The following EML4 variants were observed in gnomAD, a reference collection of about 807,000 sequenced individuals.
EML4 encodes EMAP like 4, also known as echinoderm microtubule-associated protein-like 4.
In EML4, 72 loss-of-function variants were observed where a neutral mutation model predicts 129.0. The ratio of observed to expected loss-of-function variants is 0.56; its 90% CI spans 0.46 to 0.68. The LOEUF (loss-of-function observed/expected upper bound fraction) is 0.68, where lower values mean the gene tolerates loss of function less well. EML4 is among the 30% of genes least tolerant of loss of function. The pLI, the probability that EML4 is intolerant of heterozygous loss-of-function variation, is 0.00. For synonymous variants in EML4, 532 were observed against 405.0 expected (o/e 1.31, Z -3.77); for missense variants, 1,363 against 1,190.6 (o/e 1.14, Z -2.13).
chr2:42,316,344 T>A (rs1421831555), intron 18 of EML4, among the ~76,000 whole-genome samples: 2 of 152,226 alleles, frequency 1.3e-5, no homozygotes, highest in Non-Finnish European at 2.9e-5. Context: ...ATACTTAGAA[T>A]TTTGAATAGG....
chr2:42,329,690 AG>A, intron 22 of EML4, 43 bp from the exon 23 acceptor site: 1 of 1,536,280 alleles, frequency 6.5e-7, no homozygotes, highest in South Asian at 1.2e-5. Flanking sequence ...AGGCATGTCA[AG>A]AATGAGTTTA....
In EML4 at chr2:42,261,088, G is replaced by A. The variant is rs373158099; in HGVS notation, c.339-33G>A. 8.9e-6 allele frequency: 13 copies of A among 1,462,946 alleles called. No individual in the cohort carries two copies. In the African/African-American group the frequency reaches 1.6e-4, roughly 18 times the overall value. 90.6% of individuals were successfully genotyped at this position (1,462,946 alleles called of 1,614,324 possible). On this transcript the variant is annotated intron_variant, in intron 3 of 22. Transcript: ENST00000318522. ...TTGATTTTTTTTCATTTGTTTAAAT[G>A]TGTATTGTTCCATGTTATACTTTAT...
chr2:42,281,708 C>G (rs1293478311), intron 7 of EML4, among the ~76,000 whole-genome samples: 3 of 152,216 alleles, frequency 2.0e-5, no homozygotes, highest in Non-Finnish European at 4.4e-5. Flanking sequence ...ATTAACAAGG[C>G]TGATTCTAAT....
intron 1 of EML4, among the ~76,000 whole-genome samples, chr2:42,232,059 T>C (rs938129549): frequency 1.6e-4 from 25 of 152,164 alleles, no homozygotes; most frequent in African/African-American, 5.3e-4. Flanking sequence ...AGTACTCAAA[T>C]ATCTGGATGA....
chr2:42,284,736 A>G, intron 9 of EML4, 33 bp downstream of exon 9: 3 of 1,485,522 alleles, frequency 2.0e-6, no homozygotes, highest in Non-Finnish European at 2.8e-6. Flanking sequence ...TTCTGTACCT[A>G]GAGACATTGC....
chr2:42,188,614 T>C (rs776864748), intron 1 of EML4, among the ~76,000 whole-genome samples: 34 of 152,022 alleles, frequency 2.2e-4, no homozygotes, highest in Non-Finnish European at 4.3e-4. Context: ...GGTGCGATCT[T>C]GGCTCACTGC....
chr2:42,311,782 C>T (rs986072354), intron 17 of EML4, among the ~76,000 whole-genome samples: 4 of 152,214 alleles, frequency 2.6e-5, no homozygotes, highest in African/African-American at 9.6e-5. Context: ...TAATGAGTTA[C>T]ATTCTCAGAA....
At chr2:42,243,330 A>G (rs1039048685) in intron 1 of EML4, among the ~76,000 whole-genome samples, 6 of 151,730 alleles carry the variant, frequency 4.0e-5, no homozygotes, top group South Asian at 2.1e-4. Context: ...TAGATCAGCT[A>G]GAATTCAGCT....
intron 17 of EML4, among the ~76,000 whole-genome samples, chr2:42,314,824 C>CCACG (rs1558604724): frequency 6.6e-6 from 1 of 152,174 alleles, no homozygotes; most frequent in Non-Finnish European, 1.5e-5. Flanking sequence ...CCTGGTCTTA[C>CCACG]CACGCTCTTC....
intron 1 of EML4, among the ~76,000 whole-genome samples, chr2:42,217,604 G>T (rs1445356588): frequency 6.6e-6 from 1 of 152,150 alleles, no homozygotes; most frequent in Non-Finnish European, 1.5e-5. Context: ...GTGGAATACT[G>T]TACCCATGAA....
chr2:42,244,927 T>C (rs1424499301), intron 1 of EML4, among the ~76,000 whole-genome samples: 1 of 151,878 alleles, frequency 6.6e-6, no homozygotes, highest in Non-Finnish European at 1.5e-5. Context: ...AAGATGATGT[T>C]GTAAAAATAG....
rs532465744 is a variant in EML4 at position 42,311,427 on chromosome 2, C to T, written c.1968-4535C>T. Reference sequence around the variant, plus strand: ...AATTAGCCAGGCGTGGTAGCACATGCTTTTGGTCCCAGCTACTTGGGAGGC... The same window carrying T: ...AATTAGCCAGGCGTGGTAGCACATGTTTTTGGTCCCAGCTACTTGGGAGGC... On this transcript the variant is annotated intron_variant, in intron 17 of 22. Transcript: ENST00000318522. 2.3e-3 allele frequency among the ~76,000 whole-genome samples: 355 copies of T among 152,218 alleles called. 1 individual carries two copies. The highest frequency in any genetic ancestry group is 2.6e-3 in the Non-Finnish European group (175 of 68,010).
chr2:42,295,250 A>C lies in EML4; in HGVS notation c.1344A>C (p.Gly448=). Residue 448 remains glycine (G), a synonymous_variant, in exon 12 of 23, where the codon GGA becomes GGC. Coordinates refer to ENST00000318522, the MANE Select transcript of EML4 (RefSeq NM_019063.5). ...WSGNSLTRKQ[G]IFGKYEKPKF... is the part of the protein sequence containing the mutation. ...GCAATTCACTAACAAGAAAACAGGG[A>C]ATTTTTGGGGTAAGAATCAGATTGT... 1 of 1,613,030 alleles carries C rather than the reference A, an allele frequency of 6.2e-7. No individual in the cohort carries two copies. The highest frequency in any genetic ancestry group is 1.1e-5 in the South Asian group (1 of 90,686).
intron 13 of EML4, among the ~76,000 whole-genome samples, chr2:42,299,299 A>T (rs1220153635): frequency 6.6e-6 from 1 of 152,212 alleles, no homozygotes; most frequent in Admixed American, 6.5e-5. Flanking sequence ...CCAAAGCCTT[A>T]GAAATTTTAG....
At chr2:42,281,263 C>A (rs543734153) in intron 7 of EML4, among the ~76,000 whole-genome samples, 11 of 152,024 alleles carry the variant, frequency 7.2e-5, no homozygotes, top group African/African-American at 2.7e-4. Flanking sequence ...TGTGGTGGTG[C>A]ATGCCTGTAA....
chr2:42,267,066 G>C (rs1666103465), intron 6 of EML4, among the ~76,000 whole-genome samples: 1 of 152,088 alleles, frequency 6.6e-6, no homozygotes, highest in South Asian at 2.1e-4. Context: ...TTTTACCATT[G>C]ACTTAGCTAT....
chr2:42,327,781 A>T (rs1401952339), intron 21 of EML4, among the ~76,000 whole-genome samples: 6 of 152,242 alleles, frequency 3.9e-5, no homozygotes, highest in Non-Finnish European at 8.8e-5. Context: ...GGTAATTAAA[A>T]TACTGGATAT....
Position 42,326,191 on chromosome 2 carries a change from A to T in EML4, c.2280A>T (p.Arg760=). 3 of 1,613,852 alleles carry T rather than the reference A, an allele frequency of 1.9e-6. No individual in the cohort carries two copies. The highest frequency in any genetic ancestry group is 2.5e-6 in the Non-Finnish European group (3 of 1,179,864). Residue 760 remains arginine, a synonymous_variant, in exon 21 of 23, where the codon CGA becomes CGT. Transcript: ENST00000318522. The part of the protein sequence containing the change: ...IPNGCKLIRN[R]SDCKDIDWTT... ...ATGGCTGCAAACTAATCAGGAATCG[A>T]TCGGATTGTAAGGACATTGATTGGA... is the stretch of plus-strand genomic sequence containing the variant.
At chr2:42,302,866 A>G (rs1668371360) in intron 14 of EML4, among the ~76,000 whole-genome samples, 1 of 152,134 alleles carries the variant, frequency 6.6e-6, no homozygotes. Context: ...TAACTCCTAA[A>G]GTCATATAAA....
Sources: allele counts gnomAD v4.1 joint callset (sites outside exome capture counted in the v4.1 genomes callset), GRCh38; gene constraint gnomAD v4.1.1; transcripts MANE v1.5; gene names NCBI Gene and HGNC (gene_info 2026-07-23, HGNC 2026-07-21).